The following SRPK1 variants were observed in gnomAD, a reference collection of about 807,000 sequenced individuals.
The protein encoded by SRPK1 is SFRS protein kinase 1.
SRPK1 carries 52 observed loss-of-function variants against 89.5 expected under a neutral mutation model. The ratio of observed to expected loss-of-function variants is 0.58; its 90% CI spans 0.46 to 0.73. SRPK1 has a LOEUF of 0.73. Ranked by LOEUF, SRPK1 falls within the 30% of genes least tolerant of loss-of-function variation. SRPK1 has a pLI of 0.00. For missense variants in SRPK1, 603 were observed against 780.6 expected, an observed-to-expected ratio of 0.77 and a Z score of 2.71; for synonymous variants, 255 against 270.2, an observed-to-expected ratio of 0.94 and a Z score of 0.55.
intron 6 of SRPK1, 42 bp from the exon 7 acceptor site, chr6:35,874,381 A>C: frequency 7.3e-7 from 1 of 1,377,938 alleles, no homozygotes; most frequent in South Asian, 1.2e-5. Flanking sequence ...ACAAAAGAAG[A>C]ACACGGCAAG....
intron 2 of SRPK1, among the ~76,000 whole-genome samples, chr6:35,906,050 G>A (rs1770840696): frequency 6.6e-6 from 1 of 151,572 alleles, no homozygotes; most frequent in African/African-American, 2.4e-5. Flanking sequence ...CCTAGCCGGG[G>A]GCAGAAAATG....
chr6:35,920,500 C>A lies in SRPK1; in HGVS notation c.42G>T (p.Arg14Ser), dbSNP rs1221143152. The change falls in exon 2 of 16, where the codon AGG becomes AGT. Residue 14 changes from arginine (R) to serine (S), a missense_variant. Physicochemically the swap from Arg to Ser is moderately radical, Grantham distance 110 (BLOSUM62 -1). Coordinates refer to ENST00000373825, the MANE Select transcript of SRPK1 (RefSeq NM_003137.5). ...KVLALQARKK[R>S]TKAKKDKAQR... Reference sequence around the variant, plus strand: ...GGGCTTTGTCCTTCTTGGCCTTGGTCCTTTTCTTTCGGGCCTGGAGCGCAA... The same window carrying A: ...GGGCTTTGTCCTTCTTGGCCTTGGTACTTTTCTTTCGGGCCTGGAGCGCAA... 1.2e-6 allele frequency: 2 copies of A among 1,613,420 alleles called. No individual in the cohort carries two copies. The highest frequency in any genetic ancestry group is 1.7e-6 in the Non-Finnish European group (2 of 1,179,530).
chr6:35,902,362 A>G (rs948291850), intron 2 of SRPK1, among the ~76,000 whole-genome samples: 6 of 152,070 alleles, frequency 3.9e-5, no homozygotes, highest in Non-Finnish European at 5.9e-5. Context: ...GCTGTAAGCT[A>G]TGATCACGCC....
chr6:35,886,841 C>G, intron 5 of SRPK1, 30 bp from the exon 6 acceptor site: 1 of 1,306,018 alleles, frequency 7.7e-7, no homozygotes, highest in Non-Finnish European at 1.1e-6. Flanking sequence ...GTGTTTAGCA[C>G]AAGGTAAAGC....
At chr6:35,907,188 C>A (rs1191190115) in intron 2 of SRPK1, among the ~76,000 whole-genome samples, 2 of 152,012 alleles carry the variant, frequency 1.3e-5, no homozygotes, top group Non-Finnish European at 2.9e-5. Context: ...CCACAGAGAA[C>A]TTACAGAGTA....
At chr6:35,901,482 C>T (rs888830235) in intron 2 of SRPK1, among the ~76,000 whole-genome samples, 1 of 152,166 alleles carries the variant, frequency 6.6e-6, no homozygotes, top group Non-Finnish European at 1.5e-5. Context: ...CCTCTGACAC[C>T]TTTTAGACTT....
At chr6:35,844,401 A>G (rs1291006610) in intron 13 of SRPK1, among the ~76,000 whole-genome samples, 1 of 152,202 alleles carries the variant, frequency 6.6e-6, no homozygotes, top group Non-Finnish European at 1.5e-5. Flanking sequence ...GGTACTAAGC[A>G]GTCCAAACAA....
At chr6:35,857,187 G>A in intron 13 of SRPK1, 74 bp downstream of exon 13, 1 of 1,049,236 alleles carries the variant, frequency 9.5e-7, no homozygotes, top group Non-Finnish European at 1.4e-6. Context: ...TTAATTTGCT[G>A]GTTTACTGAA....
chr6:35,841,343 T>C (rs1769301244), intron 14 of SRPK1, among the ~76,000 whole-genome samples: 1 of 152,214 alleles, frequency 6.6e-6, no homozygotes, highest in Non-Finnish European at 1.5e-5. Context: ...TACCTATTAA[T>C]ATCCCAGAAG....
At chr6:35,842,061 A>T (rs933273854) in intron 14 of SRPK1, among the ~76,000 whole-genome samples, 7 of 152,278 alleles carry the variant, frequency 4.6e-5, no homozygotes, top group African/African-American at 1.7e-4. Context: ...AAAAAAGAAA[A>T]AATTAGTTTT....
chr6:35,920,701 A>C (rs1262491239), intron 1 of SRPK1, 173 bp from the exon 2 acceptor site: 2 of 216,422 alleles, frequency 9.2e-6, no homozygotes, highest in East Asian at 2.6e-4. Context: ...GGCGCAGAGC[A>C]GCGCCCGGGC....
chr6:35,906,923 AG>A (rs1770861027), intron 2 of SRPK1, among the ~76,000 whole-genome samples: 1 of 152,238 alleles, frequency 6.6e-6, no homozygotes, highest in Non-Finnish European at 1.5e-5. Flanking sequence ...GGAGCATGCT[AG>A]GGATCTGTCA....
intron 6 of SRPK1, among the ~76,000 whole-genome samples, chr6:35,884,394 G>T (rs967668358): frequency 1.3e-5 from 2 of 152,072 alleles, no homozygotes; most frequent in African/African-American, 4.8e-5. Context: ...TATGAGAAAC[G>T]ATAGTGGTCC....
chr6:35,839,690 T>A (rs928519424), intron 14 of SRPK1, among the ~76,000 whole-genome samples: 1 of 151,594 alleles, frequency 6.6e-6, no homozygotes, highest in Non-Finnish European at 1.5e-5. Flanking sequence ...AAAACTTTTT[T>A]TTTTTTTTGA....
At chr6:35,851,142 T>A (rs1012390888) in intron 13 of SRPK1, among the ~76,000 whole-genome samples, 1 of 151,896 alleles carries the variant, frequency 6.6e-6, no homozygotes, top group African/African-American at 2.4e-5. Flanking sequence ...TGGGCTATAA[T>A]GAGTTAATGG....
At chr6:35,836,570 T>C (rs9470124) in intron 15 of SRPK1, among the ~76,000 whole-genome samples, 47,743 of 151,450 alleles carry the variant, frequency 0.32, 7,739 homozygotes, top group South Asian at 0.42. Context: ...CTGGGCAACA[T>C]AGTGAAACCC....
chr6:35,869,370 GACA>G, intron 11 of SRPK1, 109 bp downstream of exon 11: 2 of 1,295,678 alleles, frequency 1.5e-6, no homozygotes, highest in Non-Finnish European at 2.2e-6. Context: ...ACGTAACTTA[GACA>G]CACCTGTTGT....
chr6:35,839,936 C>G (rs894000653), intron 14 of SRPK1, among the ~76,000 whole-genome samples: 2 of 152,028 alleles, frequency 1.3e-5, no homozygotes, highest in Non-Finnish European at 2.9e-5. Context: ...CCTTGGCCTC[C>G]CAAAATGCTG....
intron 2 of SRPK1, among the ~76,000 whole-genome samples, chr6:35,902,073 CAT>C (rs761882518): frequency 5.9e-5 from 9 of 151,952 alleles, no homozygotes; most frequent in Non-Finnish European, 8.8e-5. Flanking sequence ...AACACCAACA[CAT>C]GAGCTAAAAC....
Sources: allele counts gnomAD v4.1 joint callset (sites outside exome capture counted in the v4.1 genomes callset), GRCh38; gene constraint gnomAD v4.1.1; transcripts MANE v1.5; gene names NCBI Gene and HGNC (gene_info 2026-07-23, HGNC 2026-07-21).